Variants in AUTS2 observed in about 807,000 individuals in gnomAD.
AUTS2 encodes autism susceptibility gene 2 protein.
A neutral mutation model predicts 112.4 loss-of-function variants in AUTS2; 17 were observed. The observed-to-expected ratio is 0.15, with a 90% confidence interval of 0.10 to 0.23. The LOEUF is 0.23. Among genes scored for constraint, AUTS2 ranks in the 10% least tolerant of loss-of-function variants. AUTS2 has a pLI of 1.00. For synonymous variants in AUTS2, 751 were observed against 702.7 expected, an observed-to-expected ratio of 1.07 and a Z score of -1.09; for missense variants, 1,510 against 1,701.6, an observed-to-expected ratio of 0.89 and a Z score of 1.98.
intron 4 of AUTS2, among the ~76,000 whole-genome samples, chr7:70,349,319 A>G (rs907627365): frequency 6.7e-6 from 1 of 149,156 alleles, no homozygotes; most frequent in African/African-American, 2.5e-5. Flanking sequence ...GCACTAGAAT[A>G]ATAGAATTTT....
intron 2 of AUTS2, among the ~76,000 whole-genome samples, chr7:69,914,356 G>C (rs186258177): frequency 0.031 from 4,206 of 136,024 alleles, 67 homozygotes; most frequent in Middle Eastern, 0.12. Context: ...CACACACACA[G>C]ACACACACAC....
intron 1 of AUTS2, among the ~76,000 whole-genome samples, chr7:69,876,359 T>C (rs866471720): frequency 6.8e-5 from 7 of 103,050 alleles, no homozygotes; most frequent in South Asian, 3.1e-4. Flanking sequence ...AATATATATA[T>C]ATATATATAT....
chr7:70,050,546 A>G (rs1275217576), intron 2 of AUTS2, among the ~76,000 whole-genome samples: 1 of 151,886 alleles, frequency 6.6e-6, no homozygotes, highest in Admixed American at 6.6e-5. Flanking sequence ...GCTGTTTCCC[A>G]GCTCCAACCC....
intron 1 of AUTS2, among the ~76,000 whole-genome samples, chr7:69,683,782 A>G (rs1258736902): frequency 6.6e-6 from 1 of 151,754 alleles, no homozygotes; most frequent in Admixed American, 6.6e-5. Context: ...ATGGTAGTAC[A>G]CGCCTATAAT....
chr7:70,655,799 AG>A (rs1263648890), intron 5 of AUTS2, among the ~76,000 whole-genome samples: 1 of 152,186 alleles, frequency 6.6e-6, no homozygotes, highest in African/African-American at 2.4e-5. Context: ...CAGCCAACCC[AG>A]GTCTGCCACA....
At chr7:69,936,474 C>G (rs375449974) in intron 2 of AUTS2, among the ~76,000 whole-genome samples, 3 of 152,054 alleles carry the variant, frequency 2.0e-5, no homozygotes, top group South Asian at 2.1e-4. Context: ...CTCAGCCTCC[C>G]GAGTAGCTGG....
At chr7:70,587,990 G>A (rs557731192) in intron 5 of AUTS2, among the ~76,000 whole-genome samples, 3 of 152,280 alleles carry the variant, frequency 2.0e-5, no homozygotes, top group African/African-American at 4.8e-5. Flanking sequence ...GTCTCCTTGG[G>A]TGGAAGAAAA....
rs1460984819 is a variant in AUTS2 at position 70,134,346 on chromosome 7, T to C, written c.625-190T>C. Among the ~76,000 whole-genome samples, 3 of 152,010 alleles carry C rather than the reference T, an allele frequency of 2.0e-5. No individual in the cohort carries two copies. In the East Asian group the frequency reaches 5.8e-4, roughly 29 times the overall value. ...ATAGCACGTTAGCATCTCTGAGTTG[T>C]TGAGAGATGTAAAGGGGAAAATTAA... On this transcript the variant is annotated intron_variant, in intron 3 of 18. Coordinates refer to ENST00000342771, the MANE Select transcript of AUTS2 (RefSeq NM_015570.4).
chr7:70,674,862 A>C (rs1463644186), intron 5 of AUTS2, among the ~76,000 whole-genome samples: 2 of 152,228 alleles, frequency 1.3e-5, no homozygotes, highest in Non-Finnish European at 2.9e-5. Context: ...AAGGGTAACT[A>C]ATGAGGAACA....
chr7:70,347,461 G>T (rs568676819), intron 4 of AUTS2, among the ~76,000 whole-genome samples: 72 of 152,264 alleles, frequency 4.7e-4, no homozygotes, highest in African/African-American at 1.3e-3. Flanking sequence ...GGCATGTATG[G>T]GTGAATATTC....
chr7:69,849,058 T>C (rs1400414973), intron 1 of AUTS2, among the ~76,000 whole-genome samples: 1 of 152,168 alleles, frequency 6.6e-6, no homozygotes, highest in Non-Finnish European at 1.5e-5. Context: ...GGCGTGCGCC[T>C]GTAGTCCCAG....
intron 1 of AUTS2, among the ~76,000 whole-genome samples, chr7:69,646,670 A>G (rs1392301105): frequency 6.6e-6 from 1 of 152,224 alleles, no homozygotes; most frequent in East Asian, 1.9e-4. Context: ...CTTAAAACTT[A>G]GTTGGACTGC....
chr7:70,260,008 T>C (rs1245691135), intron 4 of AUTS2, among the ~76,000 whole-genome samples: 1 of 152,214 alleles, frequency 6.6e-6, no homozygotes, highest in Non-Finnish European at 1.5e-5. Flanking sequence ...AAATATTTTC[T>C]AATAAAGCTT....
chr7:69,790,095 A>C (rs1789548716), intron 1 of AUTS2, among the ~76,000 whole-genome samples: 1 of 152,054 alleles, frequency 6.6e-6, no homozygotes, highest in Non-Finnish European at 1.5e-5. Context: ...AGCCTGGGCA[A>C]AATAGTGAGA....
chr7:70,577,239 C>T lies in AUTS2; in HGVS notation c.691-121330C>T, dbSNP rs2129526548. Among the ~76,000 whole-genome samples, 2 of 152,332 alleles carry T rather than the reference C, an allele frequency of 1.3e-5. 1 individual carries two copies. The highest frequency in any genetic ancestry group is 4.1e-4 in the South Asian group (2 of 4,828). On this transcript the variant is annotated intron_variant, in intron 5 of 18. Transcript: ENST00000342771. ...GCAACCCCCATGAACTGTGCAACTG[C>T]TTAGCTTCCCATCATCACCGTGGCT...
chr7:70,252,140 T>G (rs1435324342), intron 4 of AUTS2, among the ~76,000 whole-genome samples: 1 of 152,218 alleles, frequency 6.6e-6, no homozygotes, highest in East Asian at 1.9e-4. Context: ...TTCTTTGAAT[T>G]TATATCAGAA....
At chr7:69,970,916 T>C (rs1007505420) in intron 2 of AUTS2, among the ~76,000 whole-genome samples, 4 of 152,208 alleles carry the variant, frequency 2.6e-5, no homozygotes, top group Non-Finnish European at 4.4e-5. Flanking sequence ...CTCATCCTTA[T>C]AATCCCAGCA....
chr7:70,121,206 A>G (rs1167569088), intron 3 of AUTS2, among the ~76,000 whole-genome samples: 2 of 152,212 alleles, frequency 1.3e-5, no homozygotes, highest in Admixed American at 6.5e-5. Flanking sequence ...CTCAAAATGA[A>G]TCAATGACCA....
chr7:70,180,321 G>A (rs1809229072), intron 4 of AUTS2, among the ~76,000 whole-genome samples: 1 of 152,106 alleles, frequency 6.6e-6, no homozygotes, highest in Admixed American at 6.5e-5. Flanking sequence ...ATTTGAAGAA[G>A]GATGAATGTA....
Sources: gnomAD v4.1 joint callset for allele counts (sites outside exome capture counted in the v4.1 genomes callset) on GRCh38, gnomAD v4.1.1 for gene constraint, MANE v1.5 for transcripts, NCBI Gene and HGNC (gene_info 2026-07-23, HGNC 2026-07-21) for gene names.